SLC8A3: variants seen among roughly 807,000 people sequenced by gnomAD.
The protein encoded by SLC8A3 is sodium/calcium exchanger 3.
A neutral mutation model predicts 65.4 loss-of-function variants in SLC8A3; 37 were observed. That is an observed-to-expected ratio of 0.57 (90% confidence interval 0.44 to 0.74). The LOEUF (loss-of-function observed/expected upper bound fraction) is 0.74, where lower values mean the gene tolerates loss of function less well. Among genes scored for constraint, SLC8A3 ranks in the 30% least tolerant of loss-of-function variants. SLC8A3 has a pLI of 0.00. For synonymous variants in SLC8A3, 461 were observed against 444.5 expected (o/e 1.04, Z -0.47); for missense variants, 1,112 against 1,172.1 (o/e 0.95, Z 0.75).
intron 2 of SLC8A3, among the ~76,000 whole-genome samples, chr14:70,078,481 A>G (rs1890737652): frequency 6.6e-6 from 1 of 152,182 alleles, no homozygotes; most frequent in African/African-American, 2.4e-5. Context: ...AACATCCCCC[A>G]TATTTGCTGA....
intron 2 of SLC8A3, among the ~76,000 whole-genome samples, chr14:70,107,930 C>G (rs1001724534): frequency 6.6e-6 from 1 of 152,080 alleles, no homozygotes; most frequent in Admixed American, 6.5e-5. Context: ...TCCTTTCTCT[C>G]TGATAGATGT....
In SLC8A3 at chr14:70,063,868, T is replaced by C. The variant is rs779060571; in HGVS notation, c.1785-2929A>G. The C allele has an allele frequency of 8.1e-6, 13 of 1,612,684 alleles. No individual in the cohort carries two copies. The African/African-American group carries it at 1.6e-4, about 20-fold the overall frequency. ...ACCATGCGGGGGCCCATCATCTCAATGAAGTAATTCTTGTTTTTCTCATAT... is the reference window on the plus strand; with the variant it reads ...ACCATGCGGGGGCCCATCATCTCAACGAAGTAATTCTTGTTTTTCTCATAT... On this transcript the variant is annotated intron_variant, in intron 2 of 6. Transcript: ENST00000356921.
At chr14:70,151,122 C>T (rs1360119715) in intron 2 of SLC8A3, among the ~76,000 whole-genome samples, 3 of 152,030 alleles carry the variant, frequency 2.0e-5, no homozygotes, top group African/African-American at 4.8e-5. Context: ...GGCATGGTGG[C>T]AGGTGCCTGT....
chr14:70,070,105 C>T (rs952359955), intron 2 of SLC8A3, among the ~76,000 whole-genome samples: 17 of 152,194 alleles, frequency 1.1e-4, no homozygotes, highest in Admixed American at 3.9e-4. Context: ...TAGGTCAATT[C>T]TGACACTATA....
intron 2 of SLC8A3, among the ~76,000 whole-genome samples, chr14:70,123,129 C>T (rs1313465533): frequency 6.6e-6 from 1 of 150,616 alleles, no homozygotes; most frequent in African/African-American, 2.4e-5. Context: ...CCTGTAATCC[C>T]AGCTACTCAG....
Position 70,048,911 on chromosome 14 carries a change from A to G in SLC8A3, c.2245T>C (p.Trp749Arg). Residue 749 changes from tryptophan (W) to arginine (R), a missense_variant, in exon 6 of 7, where the codon TGG (tryptophan) becomes CGG (arginine). Physicochemically the swap from Trp to Arg is moderately radical, Grantham distance 101. Coordinates refer to ENST00000356921, the MANE Select transcript of SLC8A3 (RefSeq NM_182932.3). ...CVPPTEYCHG[W>R]ACFAVSILII... is the part of the protein sequence containing the mutation. Reference sequence around the variant, plus strand: ...AGGATGGAGACGGCGAAGCAGGCCCAGCCGTGGCAGTACTCTGTGGGGGGC... The same window carrying G: ...AGGATGGAGACGGCGAAGCAGGCCCGGCCGTGGCAGTACTCTGTGGGGGGC... 1.2e-6 allele frequency: 2 copies of G among 1,614,232 alleles called. No homozygotes were observed. The highest frequency in any genetic ancestry group is 1.1e-5 in the South Asian group (1 of 91,076).
In SLC8A3 at chr14:70,060,680, T is replaced by TA. The variant is rs750033030; in HGVS notation, c.1888+155dup. The TA allele has an allele frequency of 2.1e-5, 16 of 755,982 alleles. No individual in the cohort carries two copies. The Admixed American group carries it at 2.4e-4, about 11-fold the overall frequency. The allele number at this position is 755,982 out of a possible 1,614,324, so 46.8% of individuals were successfully genotyped here. A position where few individuals can be genotyped will look rare whatever the true frequency, so the allele number is the denominator to read the frequency against. On this transcript the variant is annotated intron_variant, in intron 3 of 6. Coordinates refer to ENST00000356921, the MANE Select transcript of SLC8A3 (RefSeq NM_182932.3). ...AGCGAGAATACAGGAGGGAAAAGAA[T>TA]AAAAAAATCCATTGGTCAAAAAGAG...
intron 2 of SLC8A3, among the ~76,000 whole-genome samples, chr14:70,146,753 T>G (rs1037039067): frequency 5.3e-5 from 8 of 152,136 alleles, no homozygotes; most frequent in Non-Finnish European, 1.0e-4. Context: ...TTTTCACATG[T>G]TTGTGTTTGC....
intron 3 of SLC8A3, chr14:70,055,904 G>A: frequency 8.3e-7 from 1 of 1,201,886 alleles, no homozygotes; most frequent in Non-Finnish European, 1.2e-6. Context: ...TTTTGTGGTT[G>A]CTGGCAGCAT....
chr14:70,110,708 TCTCG>T (rs1893239906), intron 2 of SLC8A3, among the ~76,000 whole-genome samples: 1 of 125,750 alleles, frequency 8.0e-6, no homozygotes, highest in African/African-American at 3.0e-5. Context: ...TGAGACAGAG[TCTCG>T]CTCTTTCACC....
At chr14:70,111,134 T>C (rs1893276503) in intron 2 of SLC8A3, among the ~76,000 whole-genome samples, 1 of 152,210 alleles carries the variant, frequency 6.6e-6, no homozygotes, top group Admixed American at 6.5e-5. Context: ...TCACCAACAG[T>C]GTATGAAAGC....
intron 2 of SLC8A3, among the ~76,000 whole-genome samples, chr14:70,126,568 T>TCACACACA (rs762556721): frequency 1.6e-5 from 2 of 122,318 alleles, no homozygotes; most frequent in African/African-American, 6.4e-5. Flanking sequence ...TCTCTCTCTC[T>TCACACACA]CTCACACACA....
chr14:70,138,929 A>G lies in SLC8A3; in HGVS notation c.1784+27710T>C, dbSNP rs112588022. Among the ~76,000 whole-genome samples the G allele has an allele frequency of 4.4e-3, 669 of 152,362 alleles. 7 individuals are homozygous for G. The highest frequency in any genetic ancestry group is 0.013 in the African/African-American group (542 of 41,594). On this transcript the variant is annotated intron_variant, in intron 2 of 6. Transcript: ENST00000356921. ...TCGCATTGGCTATCACTTAGAAAAT[A>G]CCTGCCCAGTGCCAGGCGCTGTGCT...
At chr14:70,123,073 CA>C (rs35933485) in intron 2 of SLC8A3, among the ~76,000 whole-genome samples, 11,894 of 89,362 alleles carry the variant, frequency 0.13, 594 homozygotes, top group South Asian at 0.27. Flanking sequence ...ACTCCATCTC[CA>C]AAAAAAAAAA....
At chr14:70,062,453 C>A (rs1594913500) in intron 2 of SLC8A3, among the ~76,000 whole-genome samples, 1 of 152,206 alleles carries the variant, frequency 6.6e-6, no homozygotes, top group Admixed American at 6.5e-5. Context: ...TTTAGATACA[C>A]AAATACCATT....
chr14:70,083,447 C>T (rs1891205486), intron 2 of SLC8A3, among the ~76,000 whole-genome samples: 1 of 152,214 alleles, frequency 6.6e-6, no homozygotes, highest in African/African-American at 2.4e-5. Flanking sequence ...GGGGATTCAG[C>T]TGCAAACGTC....
chr14:70,131,022 G>C (rs1894792660), intron 2 of SLC8A3, among the ~76,000 whole-genome samples: 1 of 152,220 alleles, frequency 6.6e-6, no homozygotes, highest in Non-Finnish European at 1.5e-5. Flanking sequence ...GAAAGCAGGG[G>C]ACAAGGACAG....
intron 2 of SLC8A3, among the ~76,000 whole-genome samples, chr14:70,099,229 T>C (rs7149686): frequency 0.9 from 136,570 of 152,190 alleles, 61,460 homozygotes; most frequent in East Asian, 1. Flanking sequence ...AATCCAGGTC[T>C]GATTTAGCCC....
chr14:70,054,524 T>G (rs1594894746), intron 3 of SLC8A3, among the ~76,000 whole-genome samples: 1 of 149,296 alleles, frequency 6.7e-6, no homozygotes, highest in East Asian at 2.0e-4. Flanking sequence ...GGGGGGCGGG[T>G]GGAGGAAAGA....
Sources: allele counts gnomAD v4.1 joint callset (sites outside exome capture counted in the v4.1 genomes callset), GRCh38; gene constraint gnomAD v4.1.1; transcripts MANE v1.5; gene names NCBI Gene and HGNC (gene_info 2026-07-23, HGNC 2026-07-21).